OPCML: variants seen among roughly 807,000 people sequenced by gnomAD.
The protein encoded by OPCML is opioid binding protein/cell adhesion molecule like, also known as opioid-binding protein/cell adhesion molecule.
In OPCML, 13 loss-of-function variants were observed where a neutral mutation model predicts 37.8. The observed-to-expected ratio is 0.34, with a 90% confidence interval of 0.22 to 0.55. OPCML has a LOEUF of 0.55. OPCML is among the 20% of genes least tolerant of loss of function. OPCML has a pLI of 0.91. For missense variants in OPCML, 341 were observed against 435.6 expected (o/e 0.78, Z 1.93); for synonymous variants, 176 against 168.8 (o/e 1.04, Z -0.33).
At chr11:132,469,516 T>C (rs1176751533) in intron 4 of OPCML, among the ~76,000 whole-genome samples, 2 of 150,198 alleles carry the variant, frequency 1.3e-5, no homozygotes, top group African/African-American at 2.4e-5. Flanking sequence ...TGTGTATGTG[T>C]GTGGGGTGTG....
intron 1 of OPCML, among the ~76,000 whole-genome samples, chr11:133,342,097 C>A (rs749529249): frequency 7.9e-5 from 12 of 152,210 alleles, no homozygotes; most frequent in Non-Finnish European, 1.8e-4. Flanking sequence ...AGGAAGACAG[C>A]TTTGAGGCTT....
intron 7 of OPCML, among the ~76,000 whole-genome samples, chr11:132,421,270 T>C (rs757603510): frequency 6.6e-6 from 1 of 152,124 alleles, no homozygotes; most frequent in Non-Finnish European, 1.5e-5. Flanking sequence ...AAATCTATTA[T>C]TACCAAGGGA....
intron 3 of OPCML, among the ~76,000 whole-genome samples, chr11:132,570,980 G>A (rs2096437082): frequency 6.6e-6 from 1 of 151,372 alleles, no homozygotes; most frequent in South Asian, 2.1e-4. Context: ...AGGGGAGACC[G>A]ACATGTAAGT....
chr11:132,579,200 A>G (rs563313321), intron 3 of OPCML, among the ~76,000 whole-genome samples: 1 of 152,238 alleles, frequency 6.6e-6, no homozygotes, highest in South Asian at 2.1e-4. Flanking sequence ...GTCTATCTAC[A>G]TCGCTCACTT....
chr11:132,943,249 GA>G lies in OPCML; in HGVS notation c.62-240del. On this transcript the variant is annotated intron_variant, in intron 1 of 7. Coordinates refer to ENST00000524381, the MANE Select transcript of OPCML (RefSeq NM_001012393.5). This position sits in a 1 kb window ranked among gnomAD's most constrained non-coding sequence, Gnocchi z 4.3. ...AGAAGAGAGGAGTCCGGGCTCTCCG[GA>G]GTCTGAGAATTCTTCCTCAGATCCT... 2 of 1,109,352 alleles carry G rather than the reference GA, an allele frequency of 1.8e-6. No homozygotes were observed. The highest frequency in any genetic ancestry group is 3.2e-5 in the South Asian group (2 of 62,248). 68.7% of individuals were successfully genotyped at this position (1,109,352 alleles called of 1,614,324 possible).
intron 1 of OPCML, among the ~76,000 whole-genome samples, chr11:133,483,728 G>A (rs1947442855): frequency 6.9e-6 from 1 of 145,954 alleles, no homozygotes; most frequent in South Asian, 2.3e-4. Context: ...AGATAAAATA[G>A]GCAGATTAGA....
At position 133,470,101 on chromosome 11, in the gene OPCML, G is replaced by T. The variant is rs150910267; in HGVS notation, c.61+62163C>A. Among the ~76,000 whole-genome samples the T allele has an allele frequency of 1.5e-3, 222 of 152,248 alleles. 1 individual carries two copies. The highest frequency in any genetic ancestry group is 6.8e-3 in the Middle Eastern group (2 of 294). ...CCTTCCCTGCAATCCCAGAATAATG[G>T]CAAAGACCTCCATTTTCAAGGGGAA... On this transcript the variant is annotated intron_variant, in intron 1 of 7. Transcript: ENST00000524381.
At chr11:132,665,273 T>A in intron 2 of OPCML, among the ~76,000 whole-genome samples, 1 of 152,288 alleles carries the variant, frequency 6.6e-6, no homozygotes, top group Admixed American at 6.5e-5. Flanking sequence ...TGGATGATAA[T>A]GTGCTGCACT....
Position 133,130,032 on chromosome 11 carries a change from C to G in OPCML, c.62-187022G>C, listed in dbSNP as rs369122996. Among the ~76,000 whole-genome samples the G allele has an allele frequency of 1.1e-3, 162 of 150,816 alleles. 2 individuals are homozygous for G. Among genetic ancestry groups the G allele is most frequent in the Non-Finnish European group, 4.3e-4 (29 of 67,586 alleles). ...TATGTATAGATATTAGAATTAGTAA[C>G]CAAGGATACTAAAACAGTTATTATA... On this transcript the variant is annotated intron_variant, in intron 1 of 7. Coordinates refer to ENST00000524381, the MANE Select transcript of OPCML (RefSeq NM_001012393.5).
At chr11:133,183,609 C>T (rs1441506400) in intron 1 of OPCML, among the ~76,000 whole-genome samples, 1 of 152,142 alleles carries the variant, frequency 6.6e-6, no homozygotes, top group Admixed American at 6.5e-5. Flanking sequence ...TGAAAAAATG[C>T]TACCTAAATT....
chr11:133,014,505 G>A (rs955994783), intron 1 of OPCML, among the ~76,000 whole-genome samples: 3 of 152,146 alleles, frequency 2.0e-5, no homozygotes, highest in Non-Finnish European at 4.4e-5. Context: ...GCAGGGCAGC[G>A]CTAAAGGTCT....
chr11:132,818,660 A>ATATATATATATATAT (rs56858242), intron 2 of OPCML, among the ~76,000 whole-genome samples: 12,419 of 115,392 alleles, frequency 0.11, 1,298 homozygotes, highest in East Asian at 0.44. Flanking sequence ...ATATATATAT[A>ATATATATATATATAT]GACAGATTAT....
intron 2 of OPCML, among the ~76,000 whole-genome samples, chr11:132,708,602 A>C (rs1253576969): frequency 6.6e-6 from 1 of 152,224 alleles, no homozygotes; most frequent in Non-Finnish European, 1.5e-5. Context: ...GATCCTTCTT[A>C]CCCTATTGGT....
At chr11:132,596,287 A>C (rs1172870187) in intron 3 of OPCML, among the ~76,000 whole-genome samples, 5 of 152,250 alleles carry the variant, frequency 3.3e-5, no homozygotes, top group African/African-American at 1.2e-4. Context: ...CTAAGAGGCC[A>C]GATGGGTTTG....
At chr11:133,368,484 T>C (rs990011553) in intron 1 of OPCML, among the ~76,000 whole-genome samples, 4 of 152,028 alleles carry the variant, frequency 2.6e-5, no homozygotes, top group East Asian at 1.9e-4. Context: ...TGGTCCAAGG[T>C]AAGTGTGTCC....
At position 133,009,422 on chromosome 11, in the gene OPCML, A is replaced by T. The variant is rs571418228; in HGVS notation, c.62-66412T>A. On this transcript the variant is annotated intron_variant, in intron 1 of 7. Coordinates refer to ENST00000524381, the MANE Select transcript of OPCML (RefSeq NM_001012393.5). ...GTCTGGCACTTTTGTTCCTAAAATC[A>T]ACTGTACTGATACAAGATTGATCGA... Among the ~76,000 whole-genome samples the T allele has an allele frequency of 2.6e-5, 4 of 152,354 alleles. No individual in the cohort carries two copies. In the East Asian group the frequency reaches 7.7e-4, roughly 29 times the overall value.
chr11:132,600,123 AC>A (rs1432191771), intron 3 of OPCML, among the ~76,000 whole-genome samples: 2 of 152,162 alleles, frequency 1.3e-5, no homozygotes, highest in African/African-American at 4.8e-5. Context: ...ATGTGCTCCT[AC>A]AGCAAACTCT....
chr11:133,158,757 T>C (rs1057391397), intron 1 of OPCML, among the ~76,000 whole-genome samples: 1 of 145,630 alleles, frequency 6.9e-6, no homozygotes, highest in Non-Finnish European at 1.5e-5. Context: ...TAAAATAAAA[T>C]GAAAATTAAA....
chr11:132,589,016 T>A (rs995198861), intron 3 of OPCML, among the ~76,000 whole-genome samples: 1 of 152,252 alleles, frequency 6.6e-6, no homozygotes, highest in Non-Finnish European at 1.5e-5. Context: ...TGGGATTGTT[T>A]ATTAGCACGA....
Sources: gnomAD v4.1 joint callset for allele counts (sites outside exome capture counted in the v4.1 genomes callset) on GRCh38, gnomAD v4.1.1 for gene constraint, Gnocchi (gnomAD v3.1) non-coding constraint, MANE v1.5 for transcripts, NCBI Gene and HGNC (gene_info 2026-07-23, HGNC 2026-07-21) for gene names.